CAMK2D: variants seen among roughly 807,000 people sequenced by gnomAD.
CAMK2D encodes calcium/calmodulin dependent protein kinase II delta.
Under a neutral mutation model 84.0 loss-of-function variants are expected in CAMK2D, and 37 were observed. The observed-to-expected ratio is 0.44, with a 90% CI of 0.34 to 0.58. CAMK2D has a LOEUF of 0.58. CAMK2D is among the 20% of genes least tolerant of loss of function. CAMK2D has a pLI of 0.02. For missense variants in CAMK2D, 448 were observed against 652.5 expected, an observed-to-expected ratio of 0.69 and a Z score of 3.41; for synonymous variants, 202 against 212.5, an observed-to-expected ratio of 0.95 and a Z score of 0.43.
At chr4:113,713,475 C>T (rs1310513098) in intron 2 of CAMK2D, among the ~76,000 whole-genome samples, 2 of 147,224 alleles carry the variant, frequency 1.4e-5, no homozygotes, top group African/African-American at 2.5e-5. Context: ...TGTAATATAA[C>T]AACATTATTA....
intron 2 of CAMK2D, among the ~76,000 whole-genome samples, chr4:113,693,352 C>T (rs926266926): frequency 8.6e-5 from 13 of 152,046 alleles, no homozygotes; most frequent in African/African-American, 3.1e-4. Context: ...TTCCAAAATG[C>T]TAACAGATTT....
chr4:113,717,198 TTTTAA>T (rs145176569), intron 2 of CAMK2D, among the ~76,000 whole-genome samples: 1,846 of 152,268 alleles, frequency 0.012, 53 homozygotes, highest in African/African-American at 0.042. Context: ...GAGCAATAAA[TTTTAA>T]TTTGTGAGTA....
rs755225383 is a variant in CAMK2D, at chr4:113,509,648, T to C, written c.974A>G (p.Asp325Gly). 6.8e-6 allele frequency: 11 copies of C among 1,607,466 alleles called. No homozygotes were observed. Among genetic ancestry groups the C allele is most frequent in the Non-Finnish European group, 9.4e-6 (11 of 1,174,064 alleles). The change falls in exon 13 of 21, where the codon GAT becomes GGT. Residue 325 changes from aspartate to glycine, a missense_variant. Asp to Gly is a moderately conservative substitution (Grantham distance 94). Around this residue, in one of 7 missense-constraint regions of CAMK2D, gnomAD observed 219 missense variants for 272.1 expected, o/e 0.80. Coordinates refer to ENST00000511664, the MANE Select transcript of CAMK2D (RefSeq NM_001321571.2). Reference protein sequence around the residue: ...SAAKSLLKKPDGVKINNKANV... With the variant: ...SAAKSLLKKPGGVKINNKANV... ...ATCTGTTTAACTTACCTTTACTCCATCTGGTTTCTTCAACAAACTCTTGGC... is the reference window on the plus strand; with the variant it reads ...ATCTGTTTAACTTACCTTTACTCCACCTGGTTTCTTCAACAAACTCTTGGC...
chr4:113,462,194 C>T (rs901727687), intron 17 of CAMK2D, among the ~76,000 whole-genome samples: 1 of 151,948 alleles, frequency 6.6e-6, no homozygotes, highest in Non-Finnish European at 1.5e-5. Flanking sequence ...TCAGTACTAA[C>T]ATAATCTGGG....
Position 113,547,654 on chromosome 4 carries a change from C to A in CAMK2D, c.404G>T (p.Arg135Leu). ...AACCGCATTACTCACCTTCAGGTCC[C>A]GATGGACCACGCCCATCTGATGGCA... ...LHCHQMGVVH[R>L]DLKPENLLLA... is the part of the protein sequence containing the mutation. The change falls in exon 6 of 21, where the codon CGG becomes CTG. Residue 135 changes from arginine (R) to leucine (L), a missense_variant. Transcript: ENST00000511664. The A allele has an allele frequency of 6.4e-7, 1 of 1,562,438 alleles. No homozygotes were observed.
intron 3 of CAMK2D, among the ~76,000 whole-genome samples, chr4:113,647,953 A>C (rs1165600033): frequency 1.3e-5 from 2 of 152,194 alleles, no homozygotes; most frequent in African/African-American, 4.8e-5. Context: ...ATAAGCTTAA[A>C]TGCACATTTG....
intron 3 of CAMK2D, among the ~76,000 whole-genome samples, chr4:113,641,269 T>C (rs942956551): frequency 2.6e-5 from 4 of 152,200 alleles, no homozygotes; most frequent in South Asian, 2.1e-4. Flanking sequence ...ACAAATGTAT[T>C]TGAATCCTGG....
chr4:113,546,106 A>G (rs1320696425), intron 6 of CAMK2D, among the ~76,000 whole-genome samples: 1 of 152,216 alleles, frequency 6.6e-6, no homozygotes, highest in Non-Finnish European at 1.5e-5. Context: ...CTTGGCTTTT[A>G]AAGTCCACTT....
At chr4:113,731,685 G>A (rs61309728) in intron 2 of CAMK2D, among the ~76,000 whole-genome samples, 50,300 of 150,214 alleles carry the variant, frequency 0.33, 11,361 homozygotes, top group African/African-American at 0.65. Flanking sequence ...TCCCGGGTTC[G>A]AGTGATTCCC....
chr4:113,585,383 G>A (rs193219971), intron 4 of CAMK2D, among the ~76,000 whole-genome samples: 7 of 152,164 alleles, frequency 4.6e-5, no homozygotes, highest in African/African-American at 1.7e-4. Flanking sequence ...TCATGTGTGT[G>A]CACGGACACA....
intron 16 of CAMK2D, among the ~76,000 whole-genome samples, chr4:113,490,079 C>T (rs1188447089): frequency 0.037 from 5,550 of 150,700 alleles, 268 homozygotes; most frequent in African/African-American, 0.12. Flanking sequence ...AAATTTTCTC[C>T]CATTTTGTAG....
At chr4:113,513,732 A>G (rs1255394334) in intron 11 of CAMK2D, 98 bp downstream of exon 11, 1 of 649,228 alleles carries the variant, frequency 1.5e-6, no homozygotes, top group Admixed American at 2.8e-5. Flanking sequence ...TGAGGTCTAC[A>G]TAATTGAAAG....
chr4:113,698,192 A>G (rs925807176), intron 2 of CAMK2D, among the ~76,000 whole-genome samples: 1 of 152,138 alleles, frequency 6.6e-6, no homozygotes, highest in Non-Finnish European at 1.5e-5. Context: ...TAAAAATGAA[A>G]AATAAAATGG....
chr4:113,725,540 C>T (rs1007355797), intron 2 of CAMK2D, among the ~76,000 whole-genome samples: 1 of 152,146 alleles, frequency 6.6e-6, no homozygotes, highest in African/African-American at 2.4e-5. Context: ...GTAAACCTCT[C>T]TTGCCCTAAA....
intron 2 of CAMK2D, among the ~76,000 whole-genome samples, chr4:113,756,711 A>C (rs2099629363): frequency 6.6e-6 from 1 of 152,056 alleles, no homozygotes; most frequent in Non-Finnish European, 1.5e-5. Flanking sequence ...AACTCTTACA[A>C]GTCATTTAAC....
rs1177267756 is a variant in CAMK2D at position 113,452,131 on chromosome 4, A to AT, written c.*2413dup. On this transcript the variant is annotated 3_prime_UTR_variant, in exon 21 of 21. Transcript: ENST00000511664. ...CAAAGTGTTACAAGGACAGGTTCGT[A>AT]TTAAAAAAAAAAAAAAAAAGCAGCC... 1.2e-5 allele frequency: 1 copy of AT among 83,070 alleles called. No individual in the cohort carries two copies. Among genetic ancestry groups the AT allele is most frequent in the South Asian group, 3.7e-4 (1 of 2,682 alleles). 5.1% of individuals were successfully genotyped at this position (83,070 alleles called of 1,614,324 possible).
At chr4:113,667,711 T>C (rs192479238) in intron 2 of CAMK2D, among the ~76,000 whole-genome samples, 2 of 152,324 alleles carry the variant, frequency 1.3e-5, no homozygotes, top group African/African-American at 2.4e-5. Context: ...GTCATATCCA[T>C]TTAACAAAAA....
In CAMK2D at chr4:113,585,033, T is replaced by C. The variant is rs923186934; in HGVS notation, c.275+24119A>G. ...CAGCTTGCTGTCCTTTCTCATCATC[T>C]CACTTTGGGCCAAATGTAACTAGAG... On this transcript the variant is annotated intron_variant, in intron 4 of 20. Transcript: ENST00000511664. 2.0e-5 allele frequency among the ~76,000 whole-genome samples: 3 copies of C among 152,266 alleles called. No individual in the cohort carries two copies. In the East Asian group the frequency reaches 5.8e-4, roughly 29 times the overall value.
chr4:113,536,101 G>A (rs201481448), intron 7 of CAMK2D, among the ~76,000 whole-genome samples: 3 of 152,094 alleles, frequency 2.0e-5, no homozygotes, highest in African/African-American at 4.8e-5. Context: ...CCCTACCTTC[G>A]TTCAGTTTGC....
Sources: allele counts gnomAD v4.1 joint callset (sites outside exome capture counted in the v4.1 genomes callset), GRCh38; gene constraint gnomAD v4.1.1; regional missense constraint gnomAD v4.1.1; transcripts MANE v1.5; gene names NCBI Gene and HGNC (gene_info 2026-07-23, HGNC 2026-07-21).